IFT81: variants seen among roughly 807,000 people sequenced by gnomAD.
The protein encoded by IFT81 is intraflagellar transport protein 81 homolog.
Under a neutral mutation model 102.6 loss-of-function variants are expected in IFT81, and 72 were observed. The observed-to-expected ratio is 0.70, with a 90% confidence interval of 0.58 to 0.85. IFT81 has a LOEUF of 0.85. Among genes scored for constraint, IFT81 ranks in the 40% least tolerant of loss-of-function variants. The probability of loss-of-function intolerance (pLI) is 0.00; values close to 1 mark genes in which losing one functional copy is unlikely to be tolerated. For synonymous variants in IFT81, 237 were observed against 242.7 expected (o/e 0.98, Z 0.22); for missense variants, 723 against 787.3 (o/e 0.92, Z 0.98).
intron 11 of IFT81, among the ~76,000 whole-genome samples, chr12:110,165,289 T>C (rs963720549): frequency 6.6e-6 from 1 of 152,200 alleles, no homozygotes; most frequent in African/African-American, 2.4e-5. Context: ...TTTTATTTTC[T>C]ACTATGATAA....
At chr12:110,170,188 C>T (rs1176885726) in intron 11 of IFT81, among the ~76,000 whole-genome samples, 2 of 151,970 alleles carry the variant, frequency 1.3e-5, no homozygotes, top group Non-Finnish European at 2.9e-5. Flanking sequence ...CTCCTGACCT[C>T]ATGATCCACC....
chr12:110,203,988 A>T, intron 15 of IFT81, 38 bp downstream of exon 15: 9 of 1,343,780 alleles, frequency 6.7e-6, no homozygotes, highest in Non-Finnish European at 9.5e-6. Flanking sequence ...TTTAGCAAAA[A>T]CTACCTGTGT....
intron 12 of IFT81, among the ~76,000 whole-genome samples, chr12:110,180,888 TG>T (rs1897295203): frequency 6.6e-6 from 1 of 152,222 alleles, no homozygotes; most frequent in Admixed American, 6.5e-5. Context: ...TTTTTTATCA[TG>T]GCCTGCTGGG....
intron 3 of IFT81, 29 bp downstream of exon 3, chr12:110,128,178 T>TA (rs768654115): frequency 7.2e-7 from 1 of 1,389,644 alleles, no homozygotes; most frequent in Non-Finnish European, 1.0e-6. Context: ...ATTGAGTTTT[T>TA]AAAATTATGC....
chr12:110,185,917 G>A (rs879767146), intron 12 of IFT81, among the ~76,000 whole-genome samples: 5 of 151,984 alleles, frequency 3.3e-5, no homozygotes, highest in East Asian at 3.9e-4. Context: ...GATTTAAATC[G>A]TACATGATAT....
At position 110,180,421 on chromosome 12, in the gene IFT81, G is replaced by C; in HGVS notation, c.1189-1G>C. 6.3e-7 allele frequency: 1 copy of C among 1,586,418 alleles called. No homozygotes were observed. Among genetic ancestry groups the C allele is most frequent in the Non-Finnish European group, 8.6e-7 (1 of 1,159,848 alleles). On this transcript the variant is annotated splice_acceptor_variant, in intron 11 of 18. Coordinates refer to ENST00000242591, the MANE Select transcript of IFT81 (RefSeq NM_014055.4). LOFTEE classifies it high-confidence loss of function. ...GATTACATATTGTGTTTTTTTTACA[G>C]TTCAAACGATATGTCAATAAACTTC...
chr12:110,143,946 A>G (rs1895042025), intron 9 of IFT81, among the ~76,000 whole-genome samples: 2 of 151,142 alleles, frequency 1.3e-5, no homozygotes. Context: ...TTAACCTTGT[A>G]TACCTGCCTT....
At position 110,180,475 on chromosome 12, in the gene IFT81, G is replaced by A. The variant is rs2137517238; in HGVS notation, c.1242G>A (p.Lys414=). 1.9e-6 allele frequency: 3 copies of A among 1,610,104 alleles called. No homozygotes were observed. The highest frequency in any genetic ancestry group is 2.5e-6 in the Non-Finnish European group (3 of 1,177,048). The change falls in exon 12 of 19, where the codon AAG becomes AAA. Residue 414 remains lysine, a synonymous_variant. Coordinates refer to ENST00000242591, the MANE Select transcript of IFT81 (RefSeq NM_014055.4). ...LRSKSTVFKK[K]HQIIAELKAE... is the part of the protein sequence containing the mutation. Reference sequence around the variant, plus strand: ...GCAAGAGTACAGTTTTCAAAAAGAAGCATCAGATAATAGCTGAACTTAAAG... The same window carrying A: ...GCAAGAGTACAGTTTTCAAAAAGAAACATCAGATAATAGCTGAACTTAAAG...
At chr12:110,183,578 G>T (rs1237175870) in intron 12 of IFT81, among the ~76,000 whole-genome samples, 1 of 152,190 alleles carries the variant, frequency 6.6e-6, no homozygotes, top group Non-Finnish European at 1.5e-5. Flanking sequence ...GCTGACATCT[G>T]CTGGCCAAAT....
rs186500614 is a variant in IFT81, at chr12:110,174,272, C to T, written c.1189-6150C>T. 8.2e-3 allele frequency among the ~76,000 whole-genome samples: 962 copies of T among 117,264 alleles called. 101 individuals are homozygous for T. In the East Asian group the frequency reaches 0.22, roughly 26 times the overall value. 76.9% of individuals were successfully genotyped at this position (117,264 alleles called of 152,430 possible). A position where few individuals can be genotyped will look rare whatever the true frequency, so the allele number is the denominator to read the frequency against. ...CAGCCTGGGCGACAGAGCAAGACTC[C>T]GTCTCAAAAAAAAAAAAAAAAAAAA... On this transcript the variant is annotated intron_variant, in intron 11 of 18. Transcript: ENST00000242591.
At chr12:110,186,823 C>T (rs1897555490) in intron 12 of IFT81, among the ~76,000 whole-genome samples, 1 of 152,192 alleles carries the variant, frequency 6.6e-6, no homozygotes, top group Non-Finnish European at 1.5e-5. Context: ...CCACCACGCC[C>T]AGCCCAGTAT....
chr12:110,174,273 G>C (rs1382592417), intron 11 of IFT81, among the ~76,000 whole-genome samples: 1 of 83,984 alleles, frequency 1.2e-5, no homozygotes, highest in African/African-American at 5.3e-5. Context: ...GCAAGACTCC[G>C]TCTCAAAAAA....
intron 8 of IFT81, among the ~76,000 whole-genome samples, chr12:110,139,619 A>G (rs1184377869): frequency 6.6e-6 from 1 of 151,156 alleles, no homozygotes; most frequent in African/African-American, 2.4e-5. Flanking sequence ...AAAAAAATAT[A>G]AAAAATTAGC....
intron 10 of IFT81, among the ~76,000 whole-genome samples, chr12:110,153,156 C>T (rs1895637349): frequency 6.6e-6 from 1 of 152,152 alleles, no homozygotes; most frequent in Admixed American, 6.6e-5. Flanking sequence ...GTAATACTGG[C>T]CTCAGAAAAT....
chr12:110,134,923 T>C (rs1471102251), intron 5 of IFT81, 25 bp from the exon 6 acceptor site: 3 of 1,571,462 alleles, frequency 1.9e-6, no homozygotes, highest in East Asian at 4.5e-5. Context: ...CTTTTTCTTA[T>C]AAGGTCTTCT....
chr12:110,192,548 T>A (rs1346028702), intron 13 of IFT81, 69 bp from the exon 14 acceptor site: 1 of 796,728 alleles, frequency 1.3e-6, no homozygotes, highest in Non-Finnish European at 2.1e-6. Context: ...AATTAATATC[T>A]TTATGCATGT....
chr12:110,184,578 A>T (rs972002313), intron 12 of IFT81, among the ~76,000 whole-genome samples: 1 of 152,202 alleles, frequency 6.6e-6, no homozygotes, highest in East Asian at 1.9e-4. Flanking sequence ...GATTTATTGA[A>T]GGACATACTT....
chr12:110,208,636 A>G (rs1354684949), intron 17 of IFT81, among the ~76,000 whole-genome samples: 4 of 152,224 alleles, frequency 2.6e-5, no homozygotes, highest in South Asian at 2.1e-4. Flanking sequence ...TAGATATGCC[A>G]TAATTTGCTT....
At position 110,202,176 on chromosome 12, in the gene IFT81, G is replaced by A. The variant is rs184079561; in HGVS notation, c.1558-1688G>A. ...ATTTGTTGCACTATGGCATTATGAT[G>A]CCTATGATATCACTAAGGTGAAAGG... On this transcript the variant is annotated intron_variant, in intron 14 of 18. Coordinates refer to ENST00000242591, the MANE Select transcript of IFT81 (RefSeq NM_014055.4). 9.0e-3 allele frequency among the ~76,000 whole-genome samples: 1,364 copies of A among 152,220 alleles called. 21 individuals carry two copies. Among genetic ancestry groups the A allele is most frequent in the Middle Eastern group, 0.02 (6 of 294 alleles).
Sources: gnomAD v4.1 joint callset for allele counts (sites outside exome capture counted in the v4.1 genomes callset) on GRCh38, gnomAD v4.1.1 for gene constraint, MANE v1.5 for transcripts, NCBI Gene and HGNC (gene_info 2026-07-23, HGNC 2026-07-21) for gene names.